ROBO1: variants seen among roughly 807,000 people sequenced by gnomAD.
ROBO1 encodes the protein roundabout guidance receptor 1.
ROBO1 carries 149 observed loss-of-function variants against 195.9 expected under a neutral mutation model. That is an observed-to-expected ratio of 0.76 (90% confidence interval 0.67 to 0.87). The LOEUF is 0.87. Ranked by LOEUF, ROBO1 falls within the 40% of genes least tolerant of loss-of-function variation. The pLI is 0.00. For missense variants in ROBO1, 1,933 were observed against 2,068.3 expected, an observed-to-expected ratio of 0.93 and a Z score of 1.27; for synonymous variants, 816 against 733.2, an observed-to-expected ratio of 1.11 and a Z score of -1.82.
intron 2 of ROBO1, among the ~76,000 whole-genome samples, chr3:79,473,986 G>C (rs1041223139): frequency 6.6e-6 from 1 of 152,082 alleles, no homozygotes; most frequent in Non-Finnish European, 1.5e-5. Flanking sequence ...GCTCATATGT[G>C]TGAAGTGTTA....
At chr3:78,864,357 A>G (rs2035033363) in intron 4 of ROBO1, among the ~76,000 whole-genome samples, 1 of 152,212 alleles carries the variant, frequency 6.6e-6, no homozygotes, top group African/African-American at 2.4e-5. Flanking sequence ...GAATTTCTAT[A>G]TAAATTGATA....
chr3:79,118,806 A>G (rs910530789), intron 3 of ROBO1, among the ~76,000 whole-genome samples: 6 of 151,110 alleles, frequency 4.0e-5, no homozygotes, highest in African/African-American at 1.5e-4. Context: ...TGGAGGTTGC[A>G]TTGAGCCGAG....
chr3:78,615,535 A>G (rs1390830935), intron 27 of ROBO1, among the ~76,000 whole-genome samples: 1 of 152,198 alleles, frequency 6.6e-6, no homozygotes, highest in Non-Finnish European at 1.5e-5. Context: ...CGTATTTCAA[A>G]GCTCCCACGT....
At chr3:78,956,266 T>A (rs2041042937) in intron 3 of ROBO1, among the ~76,000 whole-genome samples, 1 of 152,128 alleles carries the variant, frequency 6.6e-6, no homozygotes, top group East Asian at 1.9e-4. Context: ...AAATAAGCCA[T>A]AAATATTAAC....
At chr3:79,442,147 C>A (rs1209003925) in intron 2 of ROBO1, among the ~76,000 whole-genome samples, 1 of 152,088 alleles carries the variant, frequency 6.6e-6, no homozygotes, top group Non-Finnish European at 1.5e-5. Context: ...TAAATGTAAG[C>A]AATCTGTCCT....
At chr3:78,817,540 G>A (rs961572710) in intron 4 of ROBO1, among the ~76,000 whole-genome samples, 3 of 151,930 alleles carry the variant, frequency 2.0e-5, no homozygotes, top group African/African-American at 7.3e-5. Context: ...ATCAAAAGAT[G>A]AGGTAGAAAA....
At chr3:79,442,291 A>G (rs775035550) in intron 2 of ROBO1, among the ~76,000 whole-genome samples, 1 of 152,296 alleles carries the variant, frequency 6.6e-6, no homozygotes, top group South Asian at 2.1e-4. Context: ...AAACTCATCT[A>G]TAATATATCA....
At chr3:79,717,961 G>A (rs554267680) in intron 1 of ROBO1, among the ~76,000 whole-genome samples, 1 of 152,080 alleles carries the variant, frequency 6.6e-6, no homozygotes, top group South Asian at 2.1e-4. Context: ...TCTTACAGGA[G>A]CATGATCCTT....
At chr3:78,962,642 G>A (rs2041421946) in intron 3 of ROBO1, among the ~76,000 whole-genome samples, 1 of 151,774 alleles carries the variant, frequency 6.6e-6, no homozygotes, top group African/African-American at 2.4e-5. Context: ...TGGCTAACAC[G>A]GTGAAACCCC....
intron 2 of ROBO1, among the ~76,000 whole-genome samples, chr3:79,438,123 A>T (rs752716375): frequency 2.2e-4 from 33 of 152,042 alleles, no homozygotes; most frequent in Admixed American, 1.3e-4. Flanking sequence ...ACTGTTTTTT[A>T]ACTTAATGTC....
intron 3 of ROBO1, among the ~76,000 whole-genome samples, chr3:78,991,173 T>A (rs577684227): frequency 6.6e-6 from 1 of 152,216 alleles, no homozygotes; most frequent in African/African-American, 2.4e-5. Context: ...CCCACTGAAA[T>A]AAATGTGCAA....
At chr3:79,066,267 G>A (rs2079001132) in intron 3 of ROBO1, among the ~76,000 whole-genome samples, 1 of 151,862 alleles carries the variant, frequency 6.6e-6, no homozygotes, top group Non-Finnish European at 1.5e-5. Flanking sequence ...TTATTTTTGT[G>A]TGGATGGAGA....
At chr3:79,609,035 CT>C (rs1944575935) in intron 1 of ROBO1, among the ~76,000 whole-genome samples, 1 of 151,898 alleles carries the variant, frequency 6.6e-6, no homozygotes. Context: ...GTCCTTTTGA[CT>C]TCTGCCATGT....
chr3:79,471,299 G>A lies in ROBO1; in HGVS notation c.88+118525C>T, dbSNP rs939028893. Among the ~76,000 whole-genome samples, 3 of 152,068 alleles carry A rather than the reference G, an allele frequency of 2.0e-5. No homozygotes were observed. In the East Asian group the frequency reaches 5.8e-4, roughly 29 times the overall value. On this transcript the variant is annotated intron_variant, in intron 2 of 30. Coordinates refer to ENST00000464233, the MANE Select transcript of ROBO1 (RefSeq NM_002941.4). ...ACCACAGGCAATAAAATAAAAAATAGATAAATGGGACTATATTAAACAGGC... is the reference window on the plus strand; with the variant it reads ...ACCACAGGCAATAAAATAAAAAATAAATAAATGGGACTATATTAAACAGGC...
chr3:79,067,794 T>G (rs2079027838), intron 3 of ROBO1, among the ~76,000 whole-genome samples: 1 of 151,936 alleles, frequency 6.6e-6, no homozygotes, highest in Non-Finnish European at 1.5e-5. Flanking sequence ...GTTGGGAACC[T>G]GAAAGTGGTT....
intron 2 of ROBO1, among the ~76,000 whole-genome samples, chr3:79,280,717 G>A (rs2031437430): frequency 6.6e-6 from 1 of 152,162 alleles, no homozygotes; most frequent in Non-Finnish European, 1.5e-5. Flanking sequence ...GTTTCGGGAT[G>A]AAACTGTTCA....
At chr3:78,670,516 C>G (rs1193043598) in intron 10 of ROBO1, 1 of 541,304 alleles carries the variant, frequency 1.8e-6, no homozygotes, top group African/African-American at 1.9e-5. Flanking sequence ...AATGACCAGC[C>G]ACTCACTGAG....
chr3:79,329,607 T>C (rs74874078), intron 2 of ROBO1, among the ~76,000 whole-genome samples: 218 of 152,304 alleles, frequency 1.4e-3, no homozygotes, highest in African/African-American at 5.0e-3. Context: ...GCTTTGAAAA[T>C]TGTAAAGCAC....
chr3:78,874,102 T>C (rs1439562362), intron 4 of ROBO1, among the ~76,000 whole-genome samples: 1 of 151,964 alleles, frequency 6.6e-6, no homozygotes, highest in African/African-American at 2.4e-5. Flanking sequence ...CATCTTGCAT[T>C]TTCAAAACAA....
Sources: allele counts gnomAD v4.1 joint callset (sites outside exome capture counted in the v4.1 genomes callset), GRCh38; gene constraint gnomAD v4.1.1; transcripts MANE v1.5; gene names NCBI Gene and HGNC (gene_info 2026-07-23, HGNC 2026-07-21).